The following THEMIS variants were observed in gnomAD, a reference collection of about 807,000 sequenced individuals.
THEMIS encodes thymocyte selection associated.
THEMIS carries 37 observed loss-of-function variants against 52.6 expected under a neutral mutation model. That is an observed-to-expected ratio of 0.70 (90% CI 0.54 to 0.93). THEMIS has a LOEUF of 0.93. THEMIS is among the 40% of genes least tolerant of loss of function. The pLI, the probability that THEMIS is intolerant of heterozygous loss-of-function variation, is 0.00. For missense variants in THEMIS, 808 were observed against 763.1 expected (o/e 1.06, Z -0.69); for synonymous variants, 292 against 272.7 (o/e 1.07, Z -0.70).
intron 4 of THEMIS, among the ~76,000 whole-genome samples, chr6:127,806,242 T>C (rs1777704912): frequency 6.6e-6 from 1 of 152,174 alleles, no homozygotes; most frequent in African/African-American, 2.4e-5. Context: ...TAGTGCAAAA[T>C]AATTTAGTCC....
chr6:127,714,154 T>C (rs1774078499), intron 5 of THEMIS, among the ~76,000 whole-genome samples: 1 of 151,898 alleles, frequency 6.6e-6, no homozygotes, highest in African/African-American at 2.4e-5. Context: ...TTTTTCAAAG[T>C]GTGATCCATA....
chr6:127,880,333 A>C (rs1386682978), intron 1 of THEMIS, among the ~76,000 whole-genome samples: 1 of 152,124 alleles, frequency 6.6e-6, no homozygotes, highest in African/African-American at 2.4e-5. Flanking sequence ...TCAAAATTCC[A>C]TAAACTCTTT....
chr6:127,895,412 T>A (rs1223580838), intron 1 of THEMIS, among the ~76,000 whole-genome samples: 1 of 151,490 alleles, frequency 6.6e-6, no homozygotes, highest in African/African-American at 2.4e-5. Flanking sequence ...AAATAAAAAA[T>A]ATAAACTATT....
chr6:127,784,141 A>G (rs1776842063), intron 4 of THEMIS, among the ~76,000 whole-genome samples: 1 of 152,176 alleles, frequency 6.6e-6, no homozygotes, highest in African/African-American at 2.4e-5. Flanking sequence ...CAGGAAAAGA[A>G]AACCAAACAC....
At chr6:127,847,727 A>G (rs969921185) in intron 2 of THEMIS, among the ~76,000 whole-genome samples, 1 of 151,824 alleles carries the variant, frequency 6.6e-6, no homozygotes, top group Admixed American at 6.6e-5. Flanking sequence ...GCCCAAAGGA[A>G]TCTACGGATT....
chr6:127,711,343 G>T (rs962457265), intron 5 of THEMIS, among the ~76,000 whole-genome samples: 1 of 151,992 alleles, frequency 6.6e-6, no homozygotes, highest in Non-Finnish European at 1.5e-5. Flanking sequence ...CAGTTCTGTG[G>T]CTCCTGAGGA....
intron 2 of THEMIS, among the ~76,000 whole-genome samples, chr6:127,854,704 A>G (rs963922010): frequency 6.6e-6 from 1 of 151,892 alleles, no homozygotes; most frequent in African/African-American, 2.4e-5. Flanking sequence ...TTAGTTCTAC[A>G]GAATTTATGA....
intron 4 of THEMIS, among the ~76,000 whole-genome samples, chr6:127,730,911 T>G (rs1375310263): frequency 2.0e-5 from 3 of 152,212 alleles, no homozygotes; most frequent in African/African-American, 7.2e-5. Flanking sequence ...AAAATAAAAC[T>G]TAATACTAAT....
chr6:127,722,287 T>G (rs1238829898), intron 4 of THEMIS, among the ~76,000 whole-genome samples: 1 of 151,958 alleles, frequency 6.6e-6, no homozygotes, highest in Non-Finnish European at 1.5e-5. Context: ...AGGTGTCTCT[T>G]AAGTTGCTGA....
intron 1 of THEMIS, among the ~76,000 whole-genome samples, chr6:127,907,954 T>A (rs1445648710): frequency 6.6e-6 from 1 of 152,080 alleles, no homozygotes; most frequent in African/African-American, 2.4e-5. Flanking sequence ...TGAATATGAA[T>A]TATTTTAATA....
chr6:127,733,233 C>A (rs1204058105), intron 4 of THEMIS, among the ~76,000 whole-genome samples: 1 of 152,080 alleles, frequency 6.6e-6, no homozygotes, highest in Non-Finnish European at 1.5e-5. Flanking sequence ...TTTATATATT[C>A]TGAACACAAA....
intron 1 of THEMIS, among the ~76,000 whole-genome samples, chr6:127,862,705 C>T (rs1461620377): frequency 6.6e-6 from 1 of 151,898 alleles, no homozygotes; most frequent in Non-Finnish European, 1.5e-5. Flanking sequence ...CAGGTGTCAG[C>T]CACCCCACCC....
intron 4 of THEMIS, among the ~76,000 whole-genome samples, chr6:127,784,153 G>A (rs1056384863): frequency 7.2e-5 from 11 of 152,166 alleles, no homozygotes; most frequent in African/African-American, 1.2e-4. Flanking sequence ...ACCAAACACC[G>A]CATATTGTCA....
intron 1 of THEMIS, among the ~76,000 whole-genome samples, chr6:127,891,538 C>CAAAA (rs67886431): frequency 1.3e-3 from 124 of 96,666 alleles, no homozygotes; most frequent in African/African-American, 1.6e-3. Context: ...TCCAGCTCAA[C>CAAAA]AAAAAAAAAA....
At chr6:127,829,180 A>G (rs1320869819) in intron 3 of THEMIS, among the ~76,000 whole-genome samples, 1 of 152,234 alleles carries the variant, frequency 6.6e-6, no homozygotes, top group African/African-American at 2.4e-5. Context: ...TTTTCTAGTC[A>G]TATTTAACTG....
At chr6:127,702,943 G>C in the THEMIS span, among the ~76,000 whole-genome samples, 1 of 148,936 alleles carries the variant, frequency 6.7e-6, no homozygotes, top group Non-Finnish European at 1.5e-5. Flanking sequence ...TTCAAGATGA[G>C]ATTTGGGTAG....
At chr6:127,860,499 G>C in intron 1 of THEMIS, among the ~76,000 whole-genome samples, 1 of 152,048 alleles carries the variant, frequency 6.6e-6, no homozygotes. Flanking sequence ...TAACCTCTAA[G>C]AATATAGGAT....
chr6:127,785,233 T>TATCTATCTATCTATCC (rs1583275012), intron 4 of THEMIS, among the ~76,000 whole-genome samples: 2 of 150,340 alleles, frequency 1.3e-5, no homozygotes, highest in Non-Finnish European at 2.9e-5. Flanking sequence ...TCTATCTATC[T>TATCTATCTATCTATCC]ATCTATCTAT....
intron 3 of THEMIS, among the ~76,000 whole-genome samples, chr6:127,828,934 C>T (rs565290664): frequency 2.0e-5 from 3 of 152,088 alleles, no homozygotes; most frequent in Non-Finnish European, 4.4e-5. Context: ...CAAACAAAAA[C>T]ACCACGCCTA....
Sources: allele counts gnomAD v4.1 joint callset (sites outside exome capture counted in the v4.1 genomes callset), GRCh38; gene constraint gnomAD v4.1.1; transcripts MANE v1.5; gene names NCBI Gene and HGNC (gene_info 2026-07-23, HGNC 2026-07-21).